Variants in LYRM9 observed in about 807,000 individuals in gnomAD.
LYRM9 encodes LYR motif-containing protein 9.
In LYRM9, 14 loss-of-function variants were observed where a neutral mutation model predicts 12.6. That is an observed-to-expected ratio of 1.11 (90% CI 0.73 to 1.73). The LOEUF (loss-of-function observed/expected upper bound fraction) is 1.73. Among genes scored for constraint, LYRM9 ranks in the 40% most tolerant of loss-of-function variants. The pLI is 0.00. For synonymous variants in LYRM9, 42 were observed against 35.1 expected (o/e 1.20, Z -0.69); for missense variants, 94 against 95.0 (o/e 0.99, Z 0.04).
chr17:27,891,416 A>T (rs1439001144), intron 1 of LYRM9, among the ~76,000 whole-genome samples: 2 of 152,196 alleles, frequency 1.3e-5, no homozygotes, highest in African/African-American at 4.8e-5. Flanking sequence ...TTTCCTACAT[A>T]GGACTGTTGT....
chr17:27,893,215 C>G (rs1905518096), intron 1 of LYRM9, 102 bp downstream of exon 1: 1 of 152,534 alleles, frequency 6.6e-6, no homozygotes, highest in Non-Finnish European at 1.5e-5. Context: ...CGAGGACACC[C>G]GAGGCCTCCA....
intron 1 of LYRM9, among the ~76,000 whole-genome samples, chr17:27,884,293 C>T (rs1415257821): frequency 6.6e-6 from 1 of 152,192 alleles, no homozygotes; most frequent in Non-Finnish European, 1.5e-5. Flanking sequence ...CCTGCCTGAA[C>T]CTCTGCCACA....
chr17:27,890,751 G>A (rs1245385170), intron 1 of LYRM9, among the ~76,000 whole-genome samples: 1 of 152,188 alleles, frequency 6.6e-6, no homozygotes, highest in African/African-American at 2.4e-5. Context: ...ATTGAGCACT[G>A]ATACACGCTA....
chr17:27,891,926 T>A (rs1368303908), intron 1 of LYRM9: 1 of 74,294 alleles, frequency 1.3e-5, no homozygotes, highest in Non-Finnish European at 2.4e-5. Context: ...TGCTTGAACA[T>A]CTTTTTTTTT....
intron 1 of LYRM9, among the ~76,000 whole-genome samples, chr17:27,883,609 G>A (rs376168974): frequency 8.8e-5 from 13 of 146,978 alleles, no homozygotes; most frequent in African/African-American, 2.3e-4. Context: ...AAGATAGTAC[G>A]ACTGCACTCC....
intron 1 of LYRM9, chr17:27,882,918 T>C (rs1465860719): frequency 4.5e-6 from 3 of 665,554 alleles, no homozygotes; most frequent in Non-Finnish European, 8.4e-6. Flanking sequence ...AGACCAAAGG[T>C]GAGTGTGGAG....
At chr17:27,892,989 A>G (rs113308036) in intron 1 of LYRM9, 6,843 of 152,426 alleles carry the variant, frequency 0.045, 515 homozygotes, top group African/African-American at 0.16. Context: ...AAAAGTGGCC[A>G]GGCCCGTGAG....
At chr17:27,893,252 G>C (rs1905519626) in intron 1 of LYRM9, 65 bp downstream of exon 1, 1 of 153,068 alleles carries the variant, frequency 6.5e-6, no homozygotes, top group Admixed American at 6.6e-5. Context: ...CCGCCACCCA[G>C]TGGCTCCGGC....
intron 1 of LYRM9, among the ~76,000 whole-genome samples, chr17:27,887,267 C>T (rs1025110724): frequency 6.6e-6 from 1 of 152,172 alleles, no homozygotes; most frequent in African/African-American, 2.4e-5. Flanking sequence ...AAGTAGTATA[C>T]AGCCAGTATT....
intron 1 of LYRM9, among the ~76,000 whole-genome samples, chr17:27,890,371 C>T (rs1445134502): frequency 1.3e-5 from 2 of 152,142 alleles, no homozygotes; most frequent in East Asian, 3.9e-4. Flanking sequence ...TCGTCTGCAG[C>T]TTCCCCCTGC....
intron 1 of LYRM9, among the ~76,000 whole-genome samples, chr17:27,890,333 C>T (rs980556742): frequency 6.6e-6 from 1 of 152,120 alleles, no homozygotes; most frequent in Non-Finnish European, 1.5e-5. Flanking sequence ...CAAAACCTTG[C>T]TCCATGCCTT....
At chr17:27,879,976 G>T in intron 3 of LYRM9, 1 of 633,588 alleles carries the variant, frequency 1.6e-6, no homozygotes. Flanking sequence ...GCCGGCTCTG[G>T]CACTATAGCT....
intron 2 of LYRM9, among the ~76,000 whole-genome samples, chr17:27,882,330 T>G (rs1250400111): frequency 1.3e-5 from 2 of 152,230 alleles, no homozygotes; most frequent in African/African-American, 2.4e-5. Context: ...TCTATTTTAA[T>G]TACCCACTTA....
chr17:27,882,865 G>T, intron 1 of LYRM9, 153 bp from the exon 2 acceptor site: 1 of 825,850 alleles, frequency 1.2e-6, no homozygotes, highest in Non-Finnish European at 2.0e-6. Flanking sequence ...GGGTGGGGTG[G>T]GCATTCAGTT....
At chr17:27,892,935 G>GT (rs1905506937) in intron 1 of LYRM9, 2 of 152,710 alleles carry the variant, frequency 1.3e-5, no homozygotes. Flanking sequence ...TCCGGCCACC[G>GT]GGTGCCGCGG....
chr17:27,884,295 T>C lies in LYRM9; in HGVS notation c.-18-1583A>G, dbSNP rs1905166249. Among the ~76,000 whole-genome samples the C allele has an allele frequency of 2.6e-5, 4 of 152,236 alleles. No individual in the cohort carries two copies. In the South Asian group the frequency reaches 8.3e-4, roughly 32 times the overall value. On this transcript the variant is annotated intron_variant, in intron 1 of 3. Transcript: ENST00000379102. Reference sequence around the variant, plus strand: ...CTTTCATCAGGCTCCTGCCTGAACCTCTGCCACAGCATCTGCCTGGTGTCC... The same window carrying C: ...CTTTCATCAGGCTCCTGCCTGAACCCCTGCCACAGCATCTGCCTGGTGTCC...
In LYRM9 at chr17:27,879,363, G is replaced by C; in HGVS notation, c.*110C>G. 1.6e-6 allele frequency: 2 copies of C among 1,261,632 alleles called. No homozygotes were observed. The highest frequency in any genetic ancestry group is 2.2e-6 in the Non-Finnish European group (2 of 926,876). The allele number at this position is 1,261,632 out of a possible 1,614,324, so 78.2% of individuals were successfully genotyped here. The stretch of plus-strand genomic sequence containing the variant: ...AAGGTCAGCTTCTCCCCTGATTTCT[G>C]GCTTTCAGCCAACAAGGCCAATGGC... On this transcript the variant is annotated 3_prime_UTR_variant, in exon 4 of 4. Transcript: ENST00000379102.
At chr17:27,880,527 AAC>A in intron 2 of LYRM9, 161 bp from the exon 3 acceptor site, 1 of 608,916 alleles carries the variant, frequency 1.6e-6, no homozygotes, top group South Asian at 2.0e-5. Context: ...GAGATGAGGA[AAC>A]AGAGGCTCAC....
intron 1 of LYRM9, among the ~76,000 whole-genome samples, chr17:27,884,024 T>G (rs1905155848): frequency 6.6e-6 from 1 of 151,822 alleles, no homozygotes; most frequent in South Asian, 2.1e-4. Context: ...GCATACCCTT[T>G]GTAATCCCTC....
Sources: gnomAD v4.1 joint callset for allele counts (sites outside exome capture counted in the v4.1 genomes callset) on GRCh38, gnomAD v4.1.1 for gene constraint, MANE v1.5 for transcripts, NCBI Gene and HGNC (gene_info 2026-07-23, HGNC 2026-07-21) for gene names.